SETD3: variants seen among roughly 807,000 people sequenced by gnomAD.
SETD3 encodes the protein SET domain containing 3, actin N3(tau)-histidine methyltransferase.
In SETD3, 19 loss-of-function variants were observed where a neutral mutation model predicts 63.0. The ratio of observed to expected loss-of-function variants is 0.30; its 90% CI spans 0.21 to 0.44. The LOEUF is 0.44. Among genes scored for constraint, SETD3 ranks in the 20% least tolerant of loss-of-function variants. The pLI is 1.00. For synonymous variants in SETD3, 286 were observed against 264.1 expected, an observed-to-expected ratio of 1.08 and a Z score of -0.80; for missense variants, 587 against 728.5, an observed-to-expected ratio of 0.81 and a Z score of 2.24.
At chr14:99,484,175 A>G (rs915686215), upstream of SETD3, among the ~76,000 whole-genome samples, 3 of 152,248 alleles carry the variant, frequency 2.0e-5, no homozygotes, top group African/African-American at 7.2e-5. Flanking sequence ...GAGGGAAGGC[A>G]GTATCTTGGT....
At chr14:99,406,417 T>C in intron 9 of SETD3, 99 bp downstream of exon 9, 1 of 1,090,028 alleles carries the variant, frequency 9.2e-7, no homozygotes, top group Non-Finnish European at 1.4e-6. Flanking sequence ...ATTCCACATT[T>C]TTTCCCCTAA....
chr14:99,441,569 T>G (rs1595211690), intron 6 of SETD3, among the ~76,000 whole-genome samples: 1 of 151,860 alleles, frequency 6.6e-6, no homozygotes, highest in South Asian at 2.1e-4. Flanking sequence ...TGTCAGGGGG[T>G]CTTCACGGTC....
chr14:99,407,804 C>T (rs79327493), intron 8 of SETD3, among the ~76,000 whole-genome samples: 2 of 152,148 alleles, frequency 1.3e-5, no homozygotes, highest in African/African-American at 2.4e-5. Context: ...CCTGCCTCCC[C>T]GTCGGTCACA....
At position 99,422,914 on chromosome 14, in the gene SETD3, G is replaced by A. The variant is rs114707840; in HGVS notation, c.676-8980C>T. Among the ~76,000 whole-genome samples, 1,406 of 152,316 alleles carry A rather than the reference G, an allele frequency of 9.2e-3. 27 individuals carry two copies. The highest frequency in any genetic ancestry group is 0.032 in the African/African-American group (1,342 of 41,556). ...CCCCGCGGCCCCCAAGGCGCCTGGG[G>A]ACAGAGGGTTTGTGGACACCAGCAA... On this transcript the variant is annotated intron_variant, in intron 6 of 12. Coordinates refer to ENST00000331768, the MANE Select transcript of SETD3 (RefSeq NM_032233.3).
chr14:99,398,630 G>A lies in SETD3; in HGVS notation c.*49C>T. On this transcript the variant is annotated 3_prime_UTR_variant, in exon 13 of 13. Coordinates refer to ENST00000331768, the MANE Select transcript of SETD3 (RefSeq NM_032233.3). ...GGAAACACAGCGATGTGAACGGACT[G>A]TCCGTCAACTCCTGCTCCACTGGAT... 1 of 1,528,410 alleles carries A rather than the reference G, an allele frequency of 6.5e-7. No homozygotes were observed. Among genetic ancestry groups the A allele is most frequent in the Non-Finnish European group, 9.0e-7 (1 of 1,111,230 alleles). The allele number at this position is 1,528,410 out of a possible 1,614,324, so 94.7% of individuals were successfully genotyped here. A position where few individuals can be genotyped will look rare whatever the true frequency, so the allele number is the denominator to read the frequency against.
At chr14:99,404,448 C>A in intron 10 of SETD3, 138 bp from the exon 11 acceptor site, 1 of 715,124 alleles carries the variant, frequency 1.4e-6, no homozygotes, top group Non-Finnish European at 2.3e-6. Context: ...AGCTCCTCAT[C>A]TCAACTGTGA....
chr14:99,465,659 A>G (rs1332710086), intron 2 of SETD3, 44 bp downstream of exon 2: 37 of 1,488,928 alleles, frequency 2.5e-5, no homozygotes, highest in Non-Finnish European at 3.2e-5. Context: ...AGAAAAAGGC[A>G]CAGCCACCAC....
chr14:99,446,188 C>G (rs984493363), intron 6 of SETD3, among the ~76,000 whole-genome samples: 1 of 152,154 alleles, frequency 6.6e-6, no homozygotes, highest in Non-Finnish European at 1.5e-5. Flanking sequence ...GGAGGAACAG[C>G]GAGGGTTAGG....
rs202158741 is a variant in SETD3 at position 99,405,343 on chromosome 14, T to C, written c.953A>G (p.Asn318Ser). 1.8e-5 allele frequency: 29 copies of C among 1,611,128 alleles called. No homozygotes were observed. The highest frequency in any genetic ancestry group is 2.2e-5 in the South Asian group (2 of 90,106). The change falls in exon 10 of 13, where the codon AAC becomes AGC. Residue 318 changes from asparagine to serine, a missense_variant. Coordinates refer to ENST00000331768, the MANE Select transcript of SETD3 (RefSeq NM_032233.3). ...QIYIFYGTRS[N>S]AEFVIHSGFF... is the part of the protein sequence containing the mutation. Reference sequence around the variant, plus strand: ...ACCACTGTGGATCACAAACTCTGCGTTGGATCGAGTGCCATAAAAAATGTA... The same window carrying C: ...ACCACTGTGGATCACAAACTCTGCGCTGGATCGAGTGCCATAAAAAATGTA...
At chr14:99,419,390 T>C (rs1158491138) in intron 6 of SETD3, among the ~76,000 whole-genome samples, 1 of 152,248 alleles carries the variant, frequency 6.6e-6, no homozygotes, top group Admixed American at 6.5e-5. Context: ...GAAGAACTTT[T>C]TCTCCCATTG....
chr14:99,473,796 C>T (rs1045392136), intron 1 of SETD3, among the ~76,000 whole-genome samples: 1 of 152,136 alleles, frequency 6.6e-6, no homozygotes, highest in Non-Finnish European at 1.5e-5. Context: ...TACAGGATGA[C>T]GAGTTAGGAA....
intron 6 of SETD3, among the ~76,000 whole-genome samples, chr14:99,433,375 T>G (rs1177523832): frequency 6.6e-6 from 1 of 152,122 alleles, no homozygotes; most frequent in Non-Finnish European, 1.5e-5. Context: ...TATTAATAAT[T>G]TTTATATTAA....
At chr14:99,403,453 A>T (rs2748813) in intron 11 of SETD3, among the ~76,000 whole-genome samples, 3,025 of 105,482 alleles carry the variant, frequency 0.029, 51 homozygotes, top group African/African-American at 0.067. Context: ...ACACACACAC[A>T]CACTCTCTCT....
At chr14:99,463,608 A>G in intron 2 of SETD3, 30 bp from the exon 3 acceptor site, 1 of 1,554,414 alleles carries the variant, frequency 6.4e-7, no homozygotes, top group South Asian at 1.1e-5. Flanking sequence ...GTACTGAAAC[A>G]CTTCTCTCTT....
intron 6 of SETD3, among the ~76,000 whole-genome samples, chr14:99,446,830 G>A (rs1458930973): frequency 6.6e-6 from 1 of 151,910 alleles, no homozygotes; most frequent in East Asian, 1.9e-4. Flanking sequence ...CAGATGCTGG[G>A]GTCTGACCTG....
intron 5 of SETD3, 147 bp downstream of exon 5, chr14:99,458,966 A>G: frequency 1.8e-6 from 1 of 553,902 alleles, no homozygotes. Context: ...CTTTTTTATA[A>G]CATTAAATGA....
At chr14:99,429,177 T>C (rs1204355480) in intron 6 of SETD3, among the ~76,000 whole-genome samples, 3 of 152,120 alleles carry the variant, frequency 2.0e-5, no homozygotes, top group Admixed American at 6.5e-5. Context: ...CCATGGGATC[T>C]CCACTCCATG....
intron 6 of SETD3, among the ~76,000 whole-genome samples, chr14:99,430,867 G>A (rs1387767841): frequency 6.6e-6 from 1 of 152,244 alleles, no homozygotes; most frequent in Non-Finnish European, 1.5e-5. Flanking sequence ...GGACTGGTCA[G>A]TATGTGCAGA....
Position 99,434,087 on chromosome 14 carries a change from AC to A in SETD3, c.676-20154del, listed in dbSNP as rs771102188. Reference sequence around the variant, plus strand: ...CCAGAAGAAATGAATGTATATGTCCACAAGAAGATAAACACAAGATTACTTC... The same window carrying A: ...CCAGAAGAAATGAATGTATATGTCCAAAGAAGATAAACACAAGATTACTTC... On this transcript the variant is annotated intron_variant, in intron 6 of 12. Coordinates refer to ENST00000331768, the MANE Select transcript of SETD3 (RefSeq NM_032233.3). Among the ~76,000 whole-genome samples, 20 of 152,262 alleles carry A rather than the reference AC, an allele frequency of 1.3e-4. 1 individual carries two copies. Among genetic ancestry groups the A allele is most frequent in the Non-Finnish European group, 2.9e-5 (2 of 68,046 alleles).
Sources: gnomAD v4.1 joint callset for allele counts (sites outside exome capture counted in the v4.1 genomes callset) on GRCh38, gnomAD v4.1.1 for gene constraint, MANE v1.5 for transcripts, NCBI Gene and HGNC (gene_info 2026-07-23, HGNC 2026-07-21) for gene names.